The following KY variants were observed in gnomAD, a reference collection of about 807,000 sequenced individuals.
The protein encoded by KY is kyphoscoliosis peptidase.
KY carries 43 observed loss-of-function variants against 76.1 expected under a neutral mutation model. That is an observed-to-expected ratio of 0.57 (90% CI 0.44 to 0.73). The LOEUF is 0.73. Ranked by LOEUF, KY falls within the 30% of genes least tolerant of loss-of-function variation. The pLI, the probability that KY is intolerant of heterozygous loss-of-function variation, is 0.00. For synonymous variants in KY, 277 were observed against 326.2 expected (o/e 0.85, Z 1.63); for missense variants, 722 against 828.9 (o/e 0.87, Z 1.58).
intron 2 of KY, among the ~76,000 whole-genome samples, chr3:134,643,936 C>T (rs1387232512): frequency 1.3e-5 from 2 of 151,872 alleles, no homozygotes; most frequent in African/African-American, 4.8e-5. Context: ...GTGCCATTCT[C>T]CTGCCTCCAC....
intron 8 of KY, among the ~76,000 whole-genome samples, chr3:134,617,252 T>A (rs1961724584): frequency 6.6e-6 from 1 of 152,200 alleles, no homozygotes; most frequent in East Asian, 1.9e-4. Context: ...CAGAGGAAAA[T>A]AATCATGTTC....
intron 10 of KY, chr3:134,607,857 G>A: frequency 1.0e-6 from 1 of 988,362 alleles, no homozygotes; most frequent in Non-Finnish European, 1.2e-6. Context: ...CAGAAGGGAG[G>A]GGTACTGAGC....
chr3:134,607,045 A>G, intron 10 of KY: 1 of 985,182 alleles, frequency 1.0e-6, no homozygotes, highest in Non-Finnish European at 1.2e-6. Context: ...CTATAAATTA[A>G]GGAATCTGGT....
chr3:134,618,867 G>A (rs1231628491), intron 8 of KY, among the ~76,000 whole-genome samples: 2 of 152,212 alleles, frequency 1.3e-5, no homozygotes, highest in African/African-American at 4.8e-5. Flanking sequence ...CAGCTGCATA[G>A]AGATGGGAGA....
intron 3 of KY, among the ~76,000 whole-genome samples, chr3:134,642,074 G>A (rs1965832842): frequency 6.6e-6 from 1 of 152,200 alleles, no homozygotes; most frequent in South Asian, 2.1e-4. Flanking sequence ...CTGTCATAGA[G>A]CTGCATTCTC....
intron 8 of KY, among the ~76,000 whole-genome samples, chr3:134,613,368 C>G (rs1273156645): frequency 6.6e-6 from 1 of 152,142 alleles, no homozygotes; most frequent in Non-Finnish European, 1.5e-5. Context: ...TTGGAAAAAC[C>G]AAGTCAGGGA....
chr3:134,641,065 A>T (rs769713410), intron 3 of KY: 6 of 152,448 alleles, frequency 3.9e-5, no homozygotes, highest in African/African-American at 1.4e-4. Context: ...CTCCTTGAAC[A>T]TGCAGACACG....
Position 134,602,089 on chromosome 3 carries a change from G to C in KY, c.*1490C>G, listed in dbSNP as rs1958993037. ...GTGGTTGAGCCTGGAGGCCTGTGGAGGGGCTGTGGGGAGAGGTGCCAGGCA... is the reference window on the plus strand; with the variant it reads ...GTGGTTGAGCCTGGAGGCCTGTGGACGGGCTGTGGGGAGAGGTGCCAGGCA... On this transcript the variant is annotated 3_prime_UTR_variant, in exon 11 of 11. Coordinates refer to ENST00000423778, the MANE Select transcript of KY (RefSeq NM_178554.6). Among the ~76,000 whole-genome samples, 1 of 152,200 alleles carries C rather than the reference G, an allele frequency of 6.6e-6. No individual in the cohort carries two copies. Among genetic ancestry groups the C allele is most frequent in the Non-Finnish European group, 1.5e-5 (1 of 68,026 alleles).
At chr3:134,607,138 C>G in intron 10 of KY, 1 of 985,452 alleles carries the variant, frequency 1.0e-6, no homozygotes, top group South Asian at 4.7e-5. Context: ...TCAGTTCTTT[C>G]CGATATTTCC....
Position 134,602,637 on chromosome 3 carries a change from A to C in KY, c.*942T>G, listed in dbSNP as rs1439709764. 6.6e-6 allele frequency among the ~76,000 whole-genome samples: 1 copy of C among 150,650 alleles called. No individual in the cohort carries two copies. The highest frequency in any genetic ancestry group is 2.4e-5 in the African/African-American group (1 of 40,836). ...GTCCTTATTCAGGGCTATCCACAAG[A>C]CTCCCCAAGGGCCTGGCCAGCCTCT... On this transcript the variant is annotated 3_prime_UTR_variant, in exon 11 of 11. Transcript: ENST00000423778.
intron 6 of KY, among the ~76,000 whole-genome samples, chr3:134,622,256 G>A (rs1962758771): frequency 6.6e-6 from 1 of 152,084 alleles, no homozygotes; most frequent in African/African-American, 2.4e-5. Flanking sequence ...ACAGACATTT[G>A]TTTCCCCAAT....
At position 134,600,148 on chromosome 3, in the gene KY, A is replaced by T. The variant is rs372624124; in HGVS notation, c.*3431T>A. ...CATCTTCGAAAATTTTGCCAATAGC[A>T]AATGATGTAGTGATGCTGTTAACCC... On this transcript the variant is annotated 3_prime_UTR_variant, in exon 11 of 11. Transcript: ENST00000423778. Among the ~76,000 whole-genome samples the T allele has an allele frequency of 5.3e-5, 8 of 152,352 alleles. 1 individual carries two copies. Among genetic ancestry groups the T allele is most frequent in the African/African-American group, 1.9e-4 (8 of 41,586 alleles).
At chr3:134,617,530 A>T (rs1961781319) in intron 8 of KY, among the ~76,000 whole-genome samples, 1 of 152,236 alleles carries the variant, frequency 6.6e-6, no homozygotes, top group Non-Finnish European at 1.5e-5. Flanking sequence ...TATGCACAGA[A>T]CACAGTCTGG....
rs563164206 is a variant in KY at position 134,610,334 on chromosome 3, C to G, written c.760G>C (p.Gly254Arg). Residue 254 changes from glycine (G) to arginine (R), a missense_variant, in exon 9 of 11, where the codon GGC becomes CGC. Coordinates refer to ENST00000423778, the MANE Select transcript of KY (RefSeq NM_178554.6). Reference protein sequence around the residue: ...MTVPGYSKGFGYQTGQSFSGE... With the variant: ...MTVPGYSKGFRYQTGQSFSGE... Reference sequence around the variant, plus strand: ...GAGAAGCTCTGCCCTGTCTGGTAGCCGAAACCCTTGGAGTAGCCAGGCACG... The same window carrying G: ...GAGAAGCTCTGCCCTGTCTGGTAGCGGAAACCCTTGGAGTAGCCAGGCACG... 1 of 1,613,626 alleles carries G rather than the reference C, an allele frequency of 6.2e-7. No homozygotes were observed. Among genetic ancestry groups the G allele is most frequent in the South Asian group, 1.1e-5 (1 of 91,046 alleles).
At position 134,607,072 on chromosome 3, in the gene KY, C is replaced by T. The variant is rs1021178576; in HGVS notation, c.1090+1577G>A. The T allele has an allele frequency of 8.1e-6, 8 of 985,210 alleles. No individual in the cohort carries two copies. The African/African-American group carries it at 1.4e-4, about 17-fold the overall frequency. 61.0% of individuals were successfully genotyped at this position (985,210 alleles called of 1,614,324 possible). On this transcript the variant is annotated intron_variant, in intron 10 of 10. Coordinates refer to ENST00000423778, the MANE Select transcript of KY (RefSeq NM_178554.6). ...GAATCTGGTGTTTATATTTTTATGT[C>T]TCTTAAAAAGGCAAACTCCACTCAA...
intron 5 of KY, among the ~76,000 whole-genome samples, chr3:134,626,413 A>G (rs1577702937): frequency 6.6e-6 from 1 of 152,194 alleles, no homozygotes; most frequent in Non-Finnish European, 1.5e-5. Flanking sequence ...CCTCAGGCAC[A>G]CATCTGTGGG....
chr3:134,613,906 C>G (rs1163481853), intron 8 of KY, among the ~76,000 whole-genome samples: 1 of 152,196 alleles, frequency 6.6e-6, no homozygotes, highest in Non-Finnish European at 1.5e-5. Flanking sequence ...TTCATGTCAT[C>G]AAAAGATCAC....
intron 3 of KY, among the ~76,000 whole-genome samples, chr3:134,633,406 A>C (rs1038341380): frequency 1.3e-5 from 2 of 152,114 alleles, no homozygotes; most frequent in Non-Finnish European, 2.9e-5. Context: ...ATATACTACA[A>C]CCATGGGTGG....
chr3:134,605,444 A>G (rs1959176539), intron 10 of KY, among the ~76,000 whole-genome samples: 1 of 152,152 alleles, frequency 6.6e-6, no homozygotes, highest in Admixed American at 6.5e-5. Context: ...GGGGAGGCAG[A>G]ACACTGTGCC....
Sources: gnomAD v4.1 joint callset for allele counts (sites outside exome capture counted in the v4.1 genomes callset) on GRCh38, gnomAD v4.1.1 for gene constraint, MANE v1.5 for transcripts, NCBI Gene and HGNC (gene_info 2026-07-23, HGNC 2026-07-21) for gene names.